The following ARSI variants were observed in gnomAD, a reference collection of about 807,000 sequenced individuals.
ARSI encodes the protein arylsulfatase I.
A neutral mutation model predicts 42.1 loss-of-function variants in ARSI; 37 were observed. That is an observed-to-expected ratio of 0.88 (90% CI 0.68 to 1.16). The LOEUF is 1.16. Among genes scored for constraint, ARSI ranks in the 50% most tolerant of loss-of-function variants. The probability of loss-of-function intolerance (pLI) is 0.00; values close to 1 mark genes in which losing one functional copy is unlikely to be tolerated. For synonymous variants in ARSI, 305 were observed against 320.3 expected (o/e 0.95, Z 0.51); for missense variants, 725 against 790.1 (o/e 0.92, Z 0.99).
At chr5:150,300,577 G>A (rs1293283385) in intron 1 of ARSI, among the ~76,000 whole-genome samples, 4 of 152,192 alleles carry the variant, frequency 2.6e-5, no homozygotes, top group East Asian at 1.9e-4. Flanking sequence ...ACCTGCAAGT[G>A]AGTCACAAGA....
At chr5:150,299,913 A>G (rs1220281616) in intron 1 of ARSI, among the ~76,000 whole-genome samples, 1 of 152,198 alleles carries the variant, frequency 6.6e-6, no homozygotes, top group Non-Finnish European at 1.5e-5. Flanking sequence ...TCATTTATCC[A>G]TTCATATCCC....
intron 1 of ARSI, 66 bp downstream of exon 1, chr5:150,301,997 G>A (rs1580976303): frequency 6.8e-7 from 1 of 1,470,720 alleles, no homozygotes; most frequent in Non-Finnish European, 9.1e-7. Context: ...ACTGGCAGGA[G>A]AAATCTATCA....
In ARSI at chr5:150,298,006, G is replaced by GC. The variant is rs747762689; in HGVS notation, c.917dup (p.Ser307GlnfsTer43). ...TGCGTCCTCGGAGCGGCCAGTTGCT[G>GC]CCCCCCGAGAAAGTCTGGCCACCAT... On this transcript the variant is annotated frameshift_variant, in exon 2 of 2. Coordinates refer to ENST00000328668, the MANE Select transcript of ARSI (RefSeq NM_001012301.4). LOFTEE classifies it high-confidence loss of function. 5 of 1,612,498 alleles carry GC rather than the reference G, an allele frequency of 3.1e-6. No individual in the cohort carries two copies. Among genetic ancestry groups the GC allele is most frequent in the South Asian group, 1.1e-5 (1 of 91,060 alleles).
Position 150,297,774 on chromosome 5 carries a change from G to C in ARSI, c.1150C>G (p.Pro384Ala), listed in dbSNP as rs1757838964. The part of the protein sequence containing the change: ...WPAISEGRAS[P>A]RTEILHNIDP... Reference sequence around the variant, plus strand: ...ATGTTGTGCAGGATCTCCGTGCGTGGTGAGGCCCGGCCCTCGCTGATGGCC... The same window carrying C: ...ATGTTGTGCAGGATCTCCGTGCGTGCTGAGGCCCGGCCCTCGCTGATGGCC... The change falls in exon 2 of 2, where the codon CCA becomes GCA. Residue 384 changes from proline to alanine, a missense_variant. Transcript: ENST00000328668. This position sits in a 1 kb window ranked among gnomAD's most constrained non-coding sequence, Gnocchi z 7.0. 6.2e-7 allele frequency: 1 copy of C among 1,607,394 alleles called. No individual in the cohort carries two copies. Among genetic ancestry groups the C allele is most frequent in the African/African-American group, 1.3e-5 (1 of 74,856 alleles).
chr5:150,297,386 G>A lies in ARSI; in HGVS notation c.1538C>T (p.Pro513Leu), dbSNP rs765086553. Residue 513 changes from proline to leucine, a missense_variant, in exon 2 of 2, where the codon CCT becomes CTT. Coordinates refer to ENST00000328668, the MANE Select transcript of ARSI (RefSeq NM_001012301.4). The surrounding 1 kb of genome is among the most constrained non-coding windows in gnomAD (Gnocchi z 7.0). Reference sequence around the variant, plus strand: ...CCCCCAAGCACCCCCATTAAAGTCAGGATGAGCCCGGGGGTTCTCAGCTGG... The same window carrying A: ...CCCCCAAGCACCCCCATTAAAGTCAAGATGAGCCCGGGGGTTCTCAGCTGG... Reference protein sequence around the residue: ...RYPAENPRAHPDFNGGAWGPW... With the variant: ...RYPAENPRAHLDFNGGAWGPW... 29 of 1,609,640 alleles carry A rather than the reference G, an allele frequency of 1.8e-5. No individual in the cohort carries two copies. Among genetic ancestry groups the A allele is most frequent in the Non-Finnish European group, 2.3e-5 (27 of 1,177,946 alleles).
rs905534044 is a variant in ARSI, at chr5:150,302,237, G to A, written c.137C>T (p.Pro46Leu). The A allele has an allele frequency of 6.2e-7, 1 of 1,613,094 alleles. No homozygotes were observed. The highest frequency in any genetic ancestry group is 8.5e-7 in the Non-Finnish European group (1 of 1,179,916). The change falls in exon 1 of 2, where the codon CCT becomes CTT. Residue 46 changes from proline to leucine, a missense_variant. By Grantham distance (98) the Pro-to-Leu change is moderately conservative. Coordinates refer to ENST00000328668, the MANE Select transcript of ARSI (RefSeq NM_001012301.4). This position sits in a 1 kb window ranked among gnomAD's most constrained non-coding sequence, Gnocchi z 6.1. ...CGTGAGGATGAAGATGATGTGGGGA[G>A]GCTGGGGCGGAGCGGCCGAGGGCTG... The part of the protein sequence containing the change: ...GEQPSAAPPQ[P>L]PHIIFILTDD...
At position 150,302,329 on chromosome 5, in the gene ARSI, G is replaced by A. The variant is rs1166136599; in HGVS notation, c.45C>T (p.Phe15=). The A allele has an allele frequency of 8.3e-6, 13 of 1,575,324 alleles. No individual in the cohort carries two copies. Among genetic ancestry groups the A allele is most frequent in the Non-Finnish European group, 1.0e-5 (12 of 1,162,564 alleles). The change falls in exon 1 of 2, where the codon TTC becomes TTT. Residue 15 remains phenylalanine (F), a synonymous_variant. Transcript: ENST00000328668. The surrounding 1 kb of genome is among the most constrained non-coding windows in gnomAD (Gnocchi z 6.1). ...TGFSLVSLLS[F]GYLSWDWAKP... ...TGGCCCAGTCCCAGGACAGGTAGCC[G>A]AAGCTGAGCAGGCTGACCAGGGAGA...
rs1757856465 is a variant in ARSI, at chr5:150,298,273, G to C, written c.651C>G (p.Ser217Arg). 1 of 1,613,404 alleles carries C rather than the reference G, an allele frequency of 6.2e-7. No individual in the cohort carries two copies. Among genetic ancestry groups the C allele is most frequent in the African/African-American group, 1.3e-5 (1 of 74,924 alleles). Residue 217 changes from serine to arginine, a missense_variant, in exon 2 of 2, where the codon AGC (serine) becomes AGG (arginine). Ser to Arg is a moderately radical substitution (Grantham distance 110). Coordinates refer to ENST00000328668, the MANE Select transcript of ARSI (RefSeq NM_001012301.4). ...YSTMLYAQRASHILASHSPQR... is the reference protein window; with the variant it reads ...YSTMLYAQRARHILASHSPQR... ...GAGGGCTGTGGCTGGCCAGGATATG[G>C]CTGGCGCGCTGGGCATAAAGCATAG...
At chr5:150,299,673 C>T (rs769770897) in intron 1 of ARSI, among the ~76,000 whole-genome samples, 11 of 152,060 alleles carry the variant, frequency 7.2e-5, no homozygotes, top group Non-Finnish European at 1.6e-4. Context: ...CAAGCAGAGT[C>T]TAAGCAGGGA....
rs1384037854 is a variant in ARSI at position 150,297,400 on chromosome 5, G to A, written c.1524C>T (p.Asn508=). ...TAIPVRYPAE[N]PRAHPDFNGG... The stretch of plus-strand genomic sequence containing the variant: ...CATTAAAGTCAGGATGAGCCCGGGG[G>A]TTCTCAGCTGGGTAGCGTACCGGGA... Residue 508 remains asparagine (N), a synonymous_variant, in exon 2 of 2, where the codon AAC becomes AAT. Coordinates refer to ENST00000328668, the MANE Select transcript of ARSI (RefSeq NM_001012301.4). The surrounding 1 kb of genome is among the most constrained non-coding windows in gnomAD (Gnocchi z 7.0). 1.2e-6 allele frequency: 2 copies of A among 1,608,806 alleles called. No homozygotes were observed. The highest frequency in any genetic ancestry group is 1.7e-5 in the Admixed American group (1 of 59,270).
At position 150,298,129 on chromosome 5, in the gene ARSI, G is replaced by A. The variant is rs1441590251; in HGVS notation, c.795C>T (p.Ala265=). ...CAGCCTCATCCATGCAGGTCACCAT[G>A]GCCGCGTACTTCCGCCGGGCCACAT... is the stretch of plus-strand genomic sequence containing the variant. ...MGNVARRKYA[A]MVTCMDEAVR... Residue 265 remains alanine, a synonymous_variant, in exon 2 of 2, where the codon GCC becomes GCT. Coordinates refer to ENST00000328668, the MANE Select transcript of ARSI (RefSeq NM_001012301.4). 1 of 1,613,758 alleles carries A rather than the reference G, an allele frequency of 6.2e-7. No homozygotes were observed. Among genetic ancestry groups the A allele is most frequent in the East Asian group, 2.2e-5 (1 of 44,898 alleles).
intron 1 of ARSI, among the ~76,000 whole-genome samples, chr5:150,301,050 G>A (rs1467405814): frequency 6.6e-6 from 1 of 152,100 alleles, no homozygotes; most frequent in Non-Finnish European, 1.5e-5. Flanking sequence ...CAAACACCTG[G>A]CCTCTCAATC....
At position 150,298,273 on chromosome 5, in the gene ARSI, G is replaced by A. The variant is rs1757856465; in HGVS notation, c.651C>T (p.Ser217=). Residue 217 remains serine, a synonymous_variant, in exon 2 of 2, where the codon AGC becomes AGT. Transcript: ENST00000328668. The stretch of plus-strand genomic sequence containing the variant: ...GAGGGCTGTGGCTGGCCAGGATATG[G>A]CTGGCGCGCTGGGCATAAAGCATAG... ...YSTMLYAQRA[S]HILASHSPQR... is the part of the protein sequence containing the mutation. The A allele has an allele frequency of 1.9e-6, 3 of 1,613,522 alleles. No individual in the cohort carries two copies. The Admixed American group carries it at 5.0e-5, about 27-fold the overall frequency.
chr5:150,302,641 T>G lies in ARSI; in HGVS notation c.-268A>C. The stretch of plus-strand genomic sequence containing the variant: ...GGCCCTGCGCCGCCTTTGCTCCCTC[T>G]TCCCCAGCTCAGCCCGGCCAGCCTG... On this transcript the variant is annotated 5_prime_UTR_variant, in exon 1 of 2. Coordinates refer to ENST00000328668, the MANE Select transcript of ARSI (RefSeq NM_001012301.4). This position sits in a 1 kb window ranked among gnomAD's most constrained non-coding sequence, Gnocchi z 6.1. The G allele has an allele frequency of 1.7e-4, 56 of 331,930 alleles. No individual in the cohort carries two copies. The highest frequency in any genetic ancestry group is 2.8e-4 in the East Asian group (6 of 21,314). The allele number at this position is 331,930 out of a possible 1,614,324, so 20.6% of individuals were successfully genotyped here.
rs144497696 is a variant in ARSI at position 150,301,188 on chromosome 5, T to A, written c.311+875A>T. Among the ~76,000 whole-genome samples the A allele has an allele frequency of 8.2e-3, 1,246 of 152,256 alleles. 29 individuals carry two copies. The highest frequency in any genetic ancestry group is 0.028 in the African/African-American group (1,181 of 41,536). On this transcript the variant is annotated intron_variant, in intron 1 of 1. Coordinates refer to ENST00000328668, the MANE Select transcript of ARSI (RefSeq NM_001012301.4). ...CAGGGAGACTAAGGCTTCTGGTTCCTGAGATCACATTAGTGGCTCTTGGGT... is the reference window on the plus strand; with the variant it reads ...CAGGGAGACTAAGGCTTCTGGTTCCAGAGATCACATTAGTGGCTCTTGGGT...
Position 150,296,453 on chromosome 5 carries a change from TG to T in ARSI, c.*760del, listed in dbSNP as rs1757799598. On this transcript the variant is annotated 3_prime_UTR_variant, in exon 2 of 2. Coordinates refer to ENST00000328668, the MANE Select transcript of ARSI (RefSeq NM_001012301.4). ...CAGGGCTGGCATCCCCACTTGCAGG[TG>T]GGGAAATCAAGGCCTAGAGGGCAAG... is the stretch of plus-strand genomic sequence containing the variant. 1 of 152,178 alleles carries T rather than the reference TG, an allele frequency of 6.6e-6. No individual in the cohort carries two copies. The highest frequency in any genetic ancestry group is 2.4e-5 in the African/African-American group (1 of 41,432). The allele number at this position is 152,178 out of a possible 1,614,324, so 9.4% of individuals were successfully genotyped here.
rs765671174 is a variant in ARSI at position 150,297,713 on chromosome 5, A to G, written c.1211T>C (p.Leu404Pro). The G allele has an allele frequency of 1.2e-6, 2 of 1,613,258 alleles. No homozygotes were observed. The highest frequency in any genetic ancestry group is 2.2e-5 in the South Asian group (2 of 91,040). Residue 404 changes from leucine to proline, a missense_variant, in exon 2 of 2, where the codon CTG becomes CCG. Physicochemically the swap from Leu to Pro is moderately conservative, Grantham distance 98. Transcript: ENST00000328668. This position sits in a 1 kb window ranked among gnomAD's most constrained non-coding sequence, Gnocchi z 7.0. ...GTTCCAGATGCCAAAGCCGCCCTCC[A>G]GGGAGCCATGCTGGGCATGGTTGTA... ...PLYNHAQHGS[L>P]EGGFGIWNTA...
chr5:150,296,361 T>A lies in ARSI; in HGVS notation c.*853A>T, dbSNP rs1044739609. 3.9e-5 allele frequency: 6 copies of A among 152,368 alleles called. No individual in the cohort carries two copies. The highest frequency in any genetic ancestry group is 8.8e-5 in the Non-Finnish European group (6 of 68,154). 9.4% of individuals were successfully genotyped at this position (152,368 alleles called of 1,614,324 possible). ...CCCTCACTTCCATGTTACGACACTT[T>A]AATCAAGTTCACAAGCTCCTCCACA... On this transcript the variant is annotated 3_prime_UTR_variant, in exon 2 of 2. Transcript: ENST00000328668.
Position 150,302,523 on chromosome 5 carries a change from C to T in ARSI, c.-150G>A, listed in dbSNP as rs1438633797. The T allele has an allele frequency of 1.3e-5, 7 of 549,256 alleles. No homozygotes were observed. The highest frequency in any genetic ancestry group is 2.0e-5 in the Non-Finnish European group (7 of 357,848). The allele number at this position is 549,256 out of a possible 1,614,324, so 34.0% of individuals were successfully genotyped here. A position where few individuals can be genotyped will look rare whatever the true frequency, so the allele number is the denominator to read the frequency against. ...GGTCCAGTGTCTGGTCCGGGACTGGCTGCCGGACGGCTGGGCCGGATCTGC... is the reference window on the plus strand; with the variant it reads ...GGTCCAGTGTCTGGTCCGGGACTGGTTGCCGGACGGCTGGGCCGGATCTGC... On this transcript the variant is annotated 5_prime_UTR_variant, in exon 1 of 2. Transcript: ENST00000328668. The surrounding 1 kb of genome is among the most constrained non-coding windows in gnomAD (Gnocchi z 6.1).
Sources: allele counts gnomAD v4.1 joint callset (sites outside exome capture counted in the v4.1 genomes callset), GRCh38; gene constraint gnomAD v4.1.1; non-coding constraint Gnocchi (gnomAD v3.1); transcripts MANE v1.5; gene names NCBI Gene and HGNC (gene_info 2026-07-23, HGNC 2026-07-21).